PCED1B: variants seen among roughly 807,000 people sequenced by gnomAD.
PCED1B encodes the protein PC-esterase domain-containing protein 1B.
For missense variants in PCED1B, 573 were observed against 573.9 expected, an observed-to-expected ratio of 1.00 and a Z score of 0.02; for synonymous variants, 251 against 246.1, an observed-to-expected ratio of 1.02 and a Z score of -0.19.
chr12:47,086,061 G>A (rs1158946165), intron 1 of PCED1B, among the ~76,000 whole-genome samples: 1 of 152,168 alleles, frequency 6.6e-6, no homozygotes, highest in Non-Finnish European at 1.5e-5. Flanking sequence ...TTATAGCCAT[G>A]CATAAATGCT....
chr12:47,122,135 A>C (rs1939706774), intron 2 of PCED1B, among the ~76,000 whole-genome samples: 2 of 152,280 alleles, frequency 1.3e-5, no homozygotes, highest in South Asian at 2.1e-4. Flanking sequence ...TTGAAATAAT[A>C]AAATGGACAT....
chr12:47,208,855 A>G (rs1001666527), intron 2 of PCED1B: 4 of 152,426 alleles, frequency 2.6e-5, no homozygotes, highest in African/African-American at 9.7e-5. Flanking sequence ...GTTCATGTCT[A>G]TAATCCCAAC....
At chr12:47,136,692 A>G (rs1940386480) in intron 2 of PCED1B, among the ~76,000 whole-genome samples, 1 of 152,246 alleles carries the variant, frequency 6.6e-6, no homozygotes, top group African/African-American at 2.4e-5. Context: ...TAGCATCATT[A>G]TGAGATAGTA....
chr12:47,093,592 C>A (rs1001723184), intron 1 of PCED1B, among the ~76,000 whole-genome samples: 3 of 151,754 alleles, frequency 2.0e-5, no homozygotes, highest in Admixed American at 6.6e-5. Flanking sequence ...CTATATATTT[C>A]CTTCTAAGCA....
At chr12:47,166,903 A>G (rs1396851360) in intron 2 of PCED1B, among the ~76,000 whole-genome samples, 1 of 152,244 alleles carries the variant, frequency 6.6e-6, no homozygotes, top group African/African-American at 2.4e-5. Context: ...ATAGCTACAT[A>G]CGTAACACCA....
chr12:47,172,133 T>C (rs1040723167), intron 2 of PCED1B, among the ~76,000 whole-genome samples: 1 of 152,172 alleles, frequency 6.6e-6, no homozygotes, highest in African/African-American at 2.4e-5. Flanking sequence ...TGTGCTCTTA[T>C]GTTTTTCTGA....
chr12:47,181,570 T>G (rs1942097759), intron 2 of PCED1B, among the ~76,000 whole-genome samples: 1 of 152,042 alleles, frequency 6.6e-6, no homozygotes, highest in Non-Finnish European at 1.5e-5. Context: ...TTTCACCATG[T>G]TGGCCAGGCA....
intron 2 of PCED1B, among the ~76,000 whole-genome samples, chr12:47,154,568 C>G (rs539017822): frequency 6.6e-6 from 1 of 152,120 alleles, no homozygotes; most frequent in African/African-American, 2.4e-5. Flanking sequence ...GATTGATTCC[C>G]CAGTCAAGTG....
At chr12:47,220,845 A>G (rs531888877) in intron 3 of PCED1B, among the ~76,000 whole-genome samples, 1 of 152,300 alleles carries the variant, frequency 6.6e-6, no homozygotes, top group African/African-American at 2.4e-5. Flanking sequence ...TTAATGAAGG[A>G]GCAGAATTTC....
intron 2 of PCED1B, among the ~76,000 whole-genome samples, chr12:47,117,844 T>A (rs1350929767): frequency 6.6e-6 from 1 of 152,176 alleles, no homozygotes; most frequent in Admixed American, 6.5e-5. Flanking sequence ...TTTCTCCACA[T>A]CCTCTCCAGC....
intron 2 of PCED1B, among the ~76,000 whole-genome samples, chr12:47,125,448 T>C (rs1006514602): frequency 1.2e-4 from 19 of 152,030 alleles, no homozygotes; most frequent in Non-Finnish European, 2.8e-4. Context: ...TCAGGTGGTA[T>C]TAGCCCTCCA....
At chr12:47,211,998 C>T (rs183184633) in intron 2 of PCED1B, among the ~76,000 whole-genome samples, 1 of 150,626 alleles carries the variant, frequency 6.6e-6, no homozygotes, top group South Asian at 2.1e-4. Context: ...TGGCGTGAAC[C>T]CGGGAGGCGG....
chr12:47,163,219 C>A (rs1425098681), intron 2 of PCED1B, among the ~76,000 whole-genome samples: 1 of 152,088 alleles, frequency 6.6e-6, no homozygotes, highest in Non-Finnish European at 1.5e-5. Context: ...TCAGATGGTT[C>A]ATTTTTAGTG....
intron 2 of PCED1B, among the ~76,000 whole-genome samples, chr12:47,211,717 G>A (rs2137770095): frequency 6.6e-6 from 1 of 151,694 alleles, no homozygotes; most frequent in South Asian, 2.1e-4. Context: ...CAGCACTTTG[G>A]GAGGCTGAGG....
At chr12:47,217,726 G>A (rs1176516045) in intron 3 of PCED1B, among the ~76,000 whole-genome samples, 2 of 151,914 alleles carry the variant, frequency 1.3e-5, no homozygotes, top group East Asian at 1.9e-4. Flanking sequence ...ACAGGCACGC[G>A]ACACCACTCC....
At chr12:47,135,686 G>T in intron 2 of PCED1B, 1 of 525,800 alleles carries the variant, frequency 1.9e-6, no homozygotes. Context: ...TGAAGTCCGG[G>T]CAGCAGGAAT....
chr12:47,226,045 A>G (rs1943622243), intron 3 of PCED1B, among the ~76,000 whole-genome samples: 1 of 152,260 alleles, frequency 6.6e-6, no homozygotes, highest in African/African-American at 2.4e-5. Context: ...ACAGGGAAAT[A>G]TAAACAAGAT....
At chr12:47,187,039 G>T (rs1325223114) in intron 2 of PCED1B, among the ~76,000 whole-genome samples, 3 of 152,176 alleles carry the variant, frequency 2.0e-5, no homozygotes, top group African/African-American at 7.2e-5. Context: ...TGAAAGAAGG[G>T]AAAATGGCTC....
intron 1 of PCED1B, among the ~76,000 whole-genome samples, chr12:47,100,889 G>A (rs1938674880): frequency 6.6e-6 from 1 of 152,046 alleles, no homozygotes; most frequent in South Asian, 2.1e-4. Context: ...CCAGTATGGT[G>A]AAACACTGTG....
Sources: allele counts gnomAD v4.1 joint callset (sites outside exome capture counted in the v4.1 genomes callset), GRCh38; gene constraint gnomAD v4.1.1; transcripts MANE v1.5; gene names NCBI Gene and HGNC (gene_info 2026-07-23, HGNC 2026-07-21).